SOX6: variants seen among roughly 807,000 people sequenced by gnomAD.
The protein encoded by SOX6 is SRY-box transcription factor 6.
A neutral mutation model predicts 97.8 loss-of-function variants in SOX6; 11 were observed. The ratio of observed to expected loss-of-function variants is 0.11; its 90% CI spans 0.07 to 0.19. The LOEUF (loss-of-function observed/expected upper bound fraction) is 0.19, where lower values mean the gene tolerates loss of function less well. Ranked by LOEUF, SOX6 falls within the 10% of genes least tolerant of loss-of-function variation. The pLI, the probability that SOX6 is intolerant of heterozygous loss-of-function variation, is 1.00. For missense variants in SOX6, 810 were observed against 1,039.5 expected, an observed-to-expected ratio of 0.78 and a Z score of 3.04; for synonymous variants, 360 against 371.4, an observed-to-expected ratio of 0.97 and a Z score of 0.35.
intron 13 of SOX6, among the ~76,000 whole-genome samples, chr11:16,002,907 T>G (rs1854445775): frequency 6.6e-6 from 1 of 152,192 alleles, no homozygotes; most frequent in Admixed American, 6.5e-5. Flanking sequence ...ATCCTCTCAT[T>G]TCAATCTTTA....
At chr11:16,325,247 TG>T (rs1856049938) in intron 2 of SOX6, among the ~76,000 whole-genome samples, 1 of 152,044 alleles carries the variant, frequency 6.6e-6, no homozygotes, top group Non-Finnish European at 1.5e-5. Context: ...ATGTATTAAA[TG>T]AAAAAAAGCA....
At chr11:16,661,665 A>G (rs1280026842) in intron 3 of SOX6, among the ~76,000 whole-genome samples, 3 of 151,896 alleles carry the variant, frequency 2.0e-5, no homozygotes, top group Non-Finnish European at 4.4e-5. Flanking sequence ...CTCCCATCTC[A>G]GTCTCCAATG....
intron 4 of SOX6, among the ~76,000 whole-genome samples, chr11:16,216,396 T>C (rs1852372552): frequency 6.6e-6 from 1 of 152,164 alleles, no homozygotes; most frequent in Non-Finnish European, 1.5e-5. Flanking sequence ...AAAAGAAGGA[T>C]GGATGAGATG....
intron 3 of SOX6, among the ~76,000 whole-genome samples, chr11:16,663,924 G>A (rs1847785622): frequency 6.6e-6 from 1 of 151,936 alleles, no homozygotes; most frequent in African/African-American, 2.4e-5. Flanking sequence ...TTCAATTATT[G>A]ATTTTTATTG....
intron 13 of SOX6, among the ~76,000 whole-genome samples, chr11:15,990,205 T>C (rs1253755943): frequency 3.9e-5 from 6 of 152,054 alleles, no homozygotes; most frequent in African/African-American, 1.2e-4. Flanking sequence ...AGTTAATGAT[T>C]ATGCTGTACT....
chr11:16,671,991 C>T (rs1488370535), intron 3 of SOX6, among the ~76,000 whole-genome samples: 2 of 152,194 alleles, frequency 1.3e-5, no homozygotes. Context: ...TGGGGGCCTA[C>T]AGTCAACATT....
Position 15,966,630 on chromosome 11 carries a change from G to A in SOX6, c.*6179C>T, listed in dbSNP as rs1480999057. The A allele has an allele frequency of 2.0e-5, 3 of 151,910 alleles. No individual in the cohort carries two copies. The highest frequency in any genetic ancestry group is 7.3e-5 in the African/African-American group (3 of 41,338). 9.4% of individuals were successfully genotyped at this position (151,910 alleles called of 1,614,324 possible). A position where few individuals can be genotyped will look rare whatever the true frequency, so the allele number is the denominator to read the frequency against. Reference sequence around the variant, plus strand: ...CACGGCATATACATTATCACCCAAAGATGGCATGTTGAACATATCAGGAAA... The same window carrying A: ...CACGGCATATACATTATCACCCAAAAATGGCATGTTGAACATATCAGGAAA... On this transcript the variant is annotated 3_prime_UTR_variant, in exon 16 of 16. Coordinates refer to ENST00000683767, the MANE Select transcript of SOX6 (RefSeq NM_001367873.1).
chr11:16,089,306 T>C (rs552967201), intron 9 of SOX6, among the ~76,000 whole-genome samples: 2 of 152,194 alleles, frequency 1.3e-5, no homozygotes, highest in African/African-American at 2.4e-5. Flanking sequence ...AAGCGTTAAA[T>C]TAGTTCCTCT....
intron 6 of SOX6, among the ~76,000 whole-genome samples, chr11:16,155,522 G>A (rs968146647): frequency 2.0e-5 from 3 of 152,012 alleles, no homozygotes; most frequent in African/African-American, 7.2e-5. Flanking sequence ...GTGATGCCTT[G>A]GGCAAGTTGT....
In SOX6 at chr11:16,720,978, G is replaced by A. The variant is rs141057187; in HGVS notation, n.354-6073C>T. ...CAGTGAACCACAAAGGGACTATACT[G>A]AGGAGACCCCCAACTCAAAGGAAAT... is the stretch of plus-strand genomic sequence containing the variant. On this transcript the variant is annotated intron_variant and non_coding_transcript_variant, in intron 2 of 5. Coordinates refer to the SOX6 transcript ENST00000524520. Among the ~76,000 whole-genome samples, 1,315 of 152,238 alleles carry A rather than the reference G, an allele frequency of 8.6e-3. 9 individuals carry two copies. The highest frequency in any genetic ancestry group is 0.016 in the Admixed American group (240 of 15,276).
intron 3 of SOX6, among the ~76,000 whole-genome samples, chr11:16,260,940 T>A (rs1352848154): frequency 6.6e-6 from 1 of 152,190 alleles, no homozygotes; most frequent in Non-Finnish European, 1.5e-5. Flanking sequence ...CCAGCTGCTA[T>A]CTGCTATATT....
chr11:16,669,214 T>C (rs375433158), intron 3 of SOX6, among the ~76,000 whole-genome samples: 83 of 151,970 alleles, frequency 5.5e-4, no homozygotes, highest in African/African-American at 1.8e-3. Context: ...CATAATGGAA[T>C]AAAAGGAAAT....
intron 13 of SOX6, among the ~76,000 whole-genome samples, chr11:16,012,852 G>A (rs58002079): frequency 0.092 from 13,923 of 151,966 alleles, 1,319 homozygotes; most frequent in East Asian, 0.36. Context: ...GTGGGTAAAA[G>A]GCGTAAGACA....
At chr11:16,542,588 T>C (rs1164515562) in intron 4 of SOX6, among the ~76,000 whole-genome samples, 1 of 152,032 alleles carries the variant, frequency 6.6e-6, no homozygotes, top group Non-Finnish European at 1.5e-5. Context: ...AACAAACTGG[T>C]CCCACAGAAT....
intron 7 of SOX6, among the ~76,000 whole-genome samples, chr11:16,103,279 A>G (rs1334078400): frequency 2.0e-5 from 3 of 152,046 alleles, no homozygotes; most frequent in East Asian, 3.9e-4. Flanking sequence ...AAAAAGCTCA[A>G]CATCACTAAT....
chr11:16,698,645 T>C (rs1848070881), intron 3 of SOX6, among the ~76,000 whole-genome samples: 1 of 152,228 alleles, frequency 6.6e-6, no homozygotes, highest in Non-Finnish European at 1.5e-5. Flanking sequence ...AGCTTTTGAT[T>C]GAAAGTGAGA....
intron 3 of SOX6, among the ~76,000 whole-genome samples, chr11:16,627,714 T>C (rs1447182851): frequency 2.0e-5 from 3 of 152,354 alleles, no homozygotes; most frequent in Admixed American, 1.3e-4. Context: ...GTTGGATGCA[T>C]AGTTTGCAAA....
At chr11:16,320,263 A>T (rs1006302086) in intron 2 of SOX6, among the ~76,000 whole-genome samples, 1 of 152,104 alleles carries the variant, frequency 6.6e-6, no homozygotes, top group Admixed American at 6.6e-5. Context: ...TTGCTCCTCT[A>T]TATCTTTCCT....
chr11:16,376,340 G>A (rs1160940762), intron 1 of SOX6, among the ~76,000 whole-genome samples: 2 of 152,040 alleles, frequency 1.3e-5, no homozygotes. Context: ...AGCAAGGAGT[G>A]GGAGTAGAGA....
Sources: gnomAD v4.1 joint callset for allele counts (sites outside exome capture counted in the v4.1 genomes callset) on GRCh38, gnomAD v4.1.1 for gene constraint, MANE v1.5 for transcripts, NCBI Gene and HGNC (gene_info 2026-07-23, HGNC 2026-07-21) for gene names.